Variants in CPQ observed in about 807,000 individuals in gnomAD.
CPQ encodes carboxypeptidase Q.
In CPQ, 37 loss-of-function variants were observed where a neutral mutation model predicts 45.7. The ratio of observed to expected loss-of-function variants is 0.81; its 90% confidence interval spans 0.62 to 1.07. The LOEUF is 1.07. Ranked by LOEUF, CPQ falls within the 50% of genes least tolerant of loss-of-function variation. The probability of loss-of-function intolerance (pLI) is 0.00; values close to 1 mark genes in which losing one functional copy is unlikely to be tolerated. For synonymous variants in CPQ, 186 were observed against 205.8 expected, an observed-to-expected ratio of 0.90 and a Z score of 0.82; for missense variants, 537 against 572.9, an observed-to-expected ratio of 0.94 and a Z score of 0.64.
chr8:96,727,734 G>T (rs1809862414), intron 1 of CPQ, among the ~76,000 whole-genome samples: 1 of 152,110 alleles, frequency 6.6e-6, no homozygotes. Flanking sequence ...ACTAATGAGT[G>T]ACTCAGGATT....
chr8:97,085,981 A>G (rs1365514836), intron 7 of CPQ, among the ~76,000 whole-genome samples: 2 of 152,214 alleles, frequency 1.3e-5, no homozygotes, highest in Admixed American at 6.5e-5. Flanking sequence ...AATTCTACAG[A>G]AGAGAGGAAG....
At chr8:96,659,937 T>C (rs1815680430) in intron 1 of CPQ, among the ~76,000 whole-genome samples, 1 of 152,228 alleles carries the variant, frequency 6.6e-6, no homozygotes, top group Non-Finnish European at 1.5e-5. Flanking sequence ...AGTTAGATCA[T>C]AAGTTGGATC....
intron 1 of CPQ, among the ~76,000 whole-genome samples, chr8:96,754,520 G>A (rs1232364618): frequency 2.0e-5 from 3 of 151,992 alleles, no homozygotes; most frequent in African/African-American, 4.8e-5. Flanking sequence ...TATATAATGC[G>A]GGTCTCATAA....
chr8:96,676,555 T>C (rs1809079226), intron 1 of CPQ, among the ~76,000 whole-genome samples: 1 of 152,112 alleles, frequency 6.6e-6, no homozygotes, highest in Non-Finnish European at 1.5e-5. Context: ...TCCAGTCTTC[T>C]GTTGATAGAC....
intron 4 of CPQ, among the ~76,000 whole-genome samples, chr8:96,886,892 T>C (rs1247690842): frequency 6.6e-6 from 1 of 152,230 alleles, no homozygotes; most frequent in Admixed American, 6.5e-5. Context: ...AGTTCTCATA[T>C]CTACCGTCCT....
chr8:97,005,225 G>A (rs1036651739), intron 5 of CPQ, among the ~76,000 whole-genome samples: 5 of 151,872 alleles, frequency 3.3e-5, no homozygotes, highest in Admixed American at 6.6e-5. Flanking sequence ...GGGACTACAG[G>A]TGTGTGCCAC....
intron 1 of CPQ, chr8:96,760,952 A>G (rs572583956): frequency 9.9e-5 from 15 of 152,188 alleles, no homozygotes; most frequent in Non-Finnish European, 2.2e-4. Flanking sequence ...GAGAGGCAAA[A>G]CCTTCCAGAT....
intron 6 of CPQ, among the ~76,000 whole-genome samples, chr8:97,038,981 A>T (rs1186062747): frequency 6.6e-6 from 1 of 152,226 alleles, no homozygotes; most frequent in Non-Finnish European, 1.5e-5. Context: ...TTTGTAGCAC[A>T]TAGTGGAATT....
At chr8:96,948,179 G>A (rs1813215563) in intron 4 of CPQ, among the ~76,000 whole-genome samples, 1 of 152,066 alleles carries the variant, frequency 6.6e-6, no homozygotes. Context: ...CTTTCTACCA[G>A]ATCTCTCTCT....
In CPQ at chr8:97,099,064, A is replaced by T. The variant is rs1216264038; in HGVS notation, c.1255+32854A>T. On this transcript the variant is annotated intron_variant, in intron 7 of 7. Coordinates refer to ENST00000220763, the MANE Select transcript of CPQ (RefSeq NM_016134.4). ...AGTTTTTAAAGCATTCAAGATGCTA[A>T]ATTTTCCAAGATGAGTTTTCTGGAA... Among the ~76,000 whole-genome samples, 5 of 148,770 alleles carry T rather than the reference A, an allele frequency of 3.4e-5. No homozygotes were observed. The East Asian group carries it at 1.0e-3, about 30-fold the overall frequency.
At chr8:96,838,629 A>C (rs1161724619) in intron 3 of CPQ, among the ~76,000 whole-genome samples, 1 of 151,332 alleles carries the variant, frequency 6.6e-6, no homozygotes, top group Non-Finnish European at 1.5e-5. Context: ...TCCACACTAG[A>C]CTCTAAGTTC....
chr8:96,698,828 T>C (rs778223277), intron 1 of CPQ, among the ~76,000 whole-genome samples: 1 of 152,034 alleles, frequency 6.6e-6, no homozygotes, highest in African/African-American at 2.4e-5. Flanking sequence ...TGACAGGCAA[T>C]AACAAATGCT....
chr8:97,037,617 C>T (rs542964112), intron 6 of CPQ, among the ~76,000 whole-genome samples: 25 of 152,212 alleles, frequency 1.6e-4, no homozygotes, highest in Admixed American at 1.4e-3. Context: ...GGTCTGGAGC[C>T]TTTGTAGTTC....
At chr8:97,061,798 C>T (rs1810556183) in intron 6 of CPQ, among the ~76,000 whole-genome samples, 1 of 152,120 alleles carries the variant, frequency 6.6e-6, no homozygotes, top group African/African-American at 2.4e-5. Context: ...ACAGTAACAA[C>T]AGTAATGCTA....
chr8:96,718,227 C>A (rs1326229484), intron 1 of CPQ, among the ~76,000 whole-genome samples: 1 of 152,160 alleles, frequency 6.6e-6, no homozygotes, highest in Admixed American at 6.5e-5. Flanking sequence ...CTTCTCCCAA[C>A]CTGTTGTGTC....
intron 3 of CPQ, among the ~76,000 whole-genome samples, chr8:96,847,192 A>G (rs749077773): frequency 2.4e-4 from 37 of 152,194 alleles, no homozygotes; most frequent in Admixed American, 6.5e-4. Flanking sequence ...ATACATTGCA[A>G]TTATTGTGGG....
intron 4 of CPQ, among the ~76,000 whole-genome samples, chr8:96,905,586 C>T (rs1042540363): frequency 1.3e-5 from 2 of 152,028 alleles, no homozygotes; most frequent in East Asian, 1.9e-4. Flanking sequence ...AGCAGGACCT[C>T]GGGTCATGGT....
chr8:96,960,299 G>T (rs1210051699), intron 4 of CPQ, among the ~76,000 whole-genome samples: 1 of 152,096 alleles, frequency 6.6e-6, no homozygotes, highest in Non-Finnish European at 1.5e-5. Flanking sequence ...TCTTTGTCAG[G>T]TTTTAATATC....
intron 4 of CPQ, among the ~76,000 whole-genome samples, chr8:96,926,570 C>CTCCTCT (rs1812880344): frequency 2.1e-5 from 1 of 46,654 alleles, no homozygotes; most frequent in Non-Finnish European, 3.9e-5. Flanking sequence ...CTTCCTCTTC[C>CTCCTCT]TCTTCCTCTT....
Sources: allele counts gnomAD v4.1 joint callset (sites outside exome capture counted in the v4.1 genomes callset), GRCh38; gene constraint gnomAD v4.1.1; transcripts MANE v1.5; gene names NCBI Gene and HGNC (gene_info 2026-07-23, HGNC 2026-07-21).